The following NECTIN1 variants were observed in gnomAD, a reference collection of about 807,000 sequenced individuals.
NECTIN1 encodes nectin cell adhesion molecule 1.
A neutral mutation model predicts 48.0 loss-of-function variants in NECTIN1; 23 were observed. That is an observed-to-expected ratio of 0.48 (90% CI 0.34 to 0.68). NECTIN1 has a LOEUF of 0.68. Ranked by LOEUF, NECTIN1 falls within the 30% of genes least tolerant of loss-of-function variation. NECTIN1 has a pLI of 0.01. For synonymous variants in NECTIN1, 270 were observed against 288.9 expected (o/e 0.93, Z 0.66); for missense variants, 591 against 709.9 (o/e 0.83, Z 1.90).
intron 1 of NECTIN1, among the ~76,000 whole-genome samples, chr11:119,714,460 C>T (rs908187596): frequency 2.0e-5 from 3 of 152,272 alleles, no homozygotes; most frequent in African/African-American, 2.4e-5. Flanking sequence ...AGTCACCACA[C>T]CCATCCCCAA....
intron 1 of NECTIN1, among the ~76,000 whole-genome samples, chr11:119,695,061 CCACT>C (rs1865320504): frequency 1.3e-5 from 2 of 152,164 alleles, no homozygotes; most frequent in African/African-American, 4.8e-5. Flanking sequence ...TACTGAGCAC[CCACT>C]GTCTAATGGG....
At chr11:119,660,759 T>TCC (rs1864649328), downstream of NECTIN1, among the ~76,000 whole-genome samples, 1 of 152,098 alleles carries the variant, frequency 6.6e-6, no homozygotes, top group Non-Finnish European at 1.5e-5. Context: ...CGCCCACCCC[T>TCC]CCCTCTGCGA....
rs1321564938 is a variant in NECTIN1 at position 119,662,415 on chromosome 11, C to T, written c.*2332G>A. Reference sequence around the variant, plus strand: ...TGGGCCCCTGGCAAGTCAGGAGCCTCCTACGTGGCCCATGCTACATGGACC... The same window carrying T: ...TGGGCCCCTGGCAAGTCAGGAGCCTTCTACGTGGCCCATGCTACATGGACC... On this transcript the variant is annotated 3_prime_UTR_variant, in exon 6 of 6. Coordinates refer to ENST00000264025, the MANE Select transcript of NECTIN1 (RefSeq NM_002855.5). The surrounding 1 kb of genome is among the most constrained non-coding windows in gnomAD (Gnocchi z 5.3). 3.4e-5 allele frequency: 34 copies of T among 985,656 alleles called. No individual in the cohort carries two copies. Among genetic ancestry groups the T allele is most frequent in the Non-Finnish European group, 3.9e-5 (32 of 829,964 alleles). The allele number at this position is 985,656 out of a possible 1,614,324, so 61.1% of individuals were successfully genotyped here.
intron 1 of NECTIN1, among the ~76,000 whole-genome samples, chr11:119,711,474 A>G (rs1213712280): frequency 6.6e-6 from 1 of 151,854 alleles, no homozygotes; most frequent in Non-Finnish European, 1.5e-5. Flanking sequence ...TTTACTGTAC[A>G]TTTATGGGAC....
rs1042800292 is a variant in NECTIN1, at chr11:119,664,455, C to A, written c.*292G>T. On this transcript the variant is annotated 3_prime_UTR_variant, in exon 6 of 6. Transcript: ENST00000264025. ...CCAGGTACACAAGACGAGAACAGGG[C>A]TCCCTACACAGAGGGCAGGCAGGTG... 8.9e-6 allele frequency: 11 copies of A among 1,234,120 alleles called. No individual in the cohort carries two copies. Among genetic ancestry groups the A allele is most frequent in the Non-Finnish European group, 1.1e-5 (11 of 983,620 alleles). 76.4% of individuals were successfully genotyped at this position (1,234,120 alleles called of 1,614,324 possible).
At chr11:119,657,103 C>T (rs796979188), downstream of NECTIN1, among the ~76,000 whole-genome samples, 1 of 152,288 alleles carries the variant, frequency 6.6e-6, no homozygotes, top group African/African-American at 2.4e-5. Context: ...TCACAGGTGA[C>T]GATGATGATG....
chr11:119,689,590 G>A (rs1865217020), intron 1 of NECTIN1, among the ~76,000 whole-genome samples: 1 of 152,248 alleles, frequency 6.6e-6, no homozygotes, highest in Non-Finnish European at 1.5e-5. Flanking sequence ...GCAATGAGGA[G>A]AAGGCAACCT....
chr11:119,651,205 C>G (rs985109308), intron 5 of NECTIN1, among the ~76,000 whole-genome samples: 2 of 152,158 alleles, frequency 1.3e-5, no homozygotes, highest in Admixed American at 1.3e-4. Context: ...GAGGGAGAGC[C>G]TTCCCAGTCA....
chr11:119,682,473 C>T (rs567925238), intron 1 of NECTIN1, among the ~76,000 whole-genome samples: 37 of 152,178 alleles, frequency 2.4e-4, no homozygotes, highest in Non-Finnish European at 4.1e-4. Context: ...AGGGCTGTTC[C>T]GTCACCACCC....
chr11:119,650,234 C>G (rs559896927), intron 5 of NECTIN1, among the ~76,000 whole-genome samples: 1 of 152,136 alleles, frequency 6.6e-6, no homozygotes. Context: ...AAGGCAGGAA[C>G]CGGCCATCTG....
At position 119,662,469 on chromosome 11, in the gene NECTIN1, G is replaced by A; in HGVS notation, c.*2278C>T. On this transcript the variant is annotated 3_prime_UTR_variant, in exon 6 of 6. Coordinates refer to ENST00000264025, the MANE Select transcript of NECTIN1 (RefSeq NM_002855.5). This position sits in a 1 kb window ranked among gnomAD's most constrained non-coding sequence, Gnocchi z 5.3. ...AAATTTGTGCTTTGCTTGTGGGGAG[G>A]GTGTGGAGGTGTCTTAAGGGGGAAC... is the stretch of plus-strand genomic sequence containing the variant. 1.0e-6 allele frequency: 1 copy of A among 985,780 alleles called. No homozygotes were observed. Among genetic ancestry groups the A allele is most frequent in the Non-Finnish European group, 1.2e-6 (1 of 829,954 alleles). The allele number at this position is 985,780 out of a possible 1,614,324, so 61.1% of individuals were successfully genotyped here.
chr11:119,717,145 G>T (rs542052146), intron 1 of NECTIN1, among the ~76,000 whole-genome samples: 1 of 152,196 alleles, frequency 6.6e-6, no homozygotes, highest in Non-Finnish European at 1.5e-5. Context: ...AGAGGTGGGC[G>T]CCGAGGACTG....
chr11:119,639,241 C>A (rs1033107491), intron 6 of NECTIN1, among the ~76,000 whole-genome samples: 1 of 152,064 alleles, frequency 6.6e-6, no homozygotes, highest in Admixed American at 6.5e-5. Flanking sequence ...CGTAAAAATC[C>A]GTGATGAACA....
chr11:119,670,505 G>A (rs368789992), intron 5 of NECTIN1, among the ~76,000 whole-genome samples: 1 of 152,152 alleles, frequency 6.6e-6, no homozygotes, highest in African/African-American at 2.4e-5. Context: ...GGAGAGACTC[G>A]AATAAACCTG....
At chr11:119,648,304 G>A (rs887940089) in intron 5 of NECTIN1, among the ~76,000 whole-genome samples, 705 of 9,096 alleles carry the variant, frequency 0.078, 78 homozygotes, top group Non-Finnish European at 0.11. Context: ...GGTGGTGGTG[G>A]TGATGGTGGT....
intron 5 of NECTIN1, among the ~76,000 whole-genome samples, chr11:119,646,903 G>A (rs1054501383): frequency 6.6e-6 from 1 of 152,224 alleles, no homozygotes; most frequent in African/African-American, 2.4e-5. Context: ...AGGTAATACT[G>A]CATGTTAAAG....
In NECTIN1 at chr11:119,662,332, C is replaced by A; in HGVS notation, c.*2415G>T. The stretch of plus-strand genomic sequence containing the variant: ...ACATCCCTAGGTCCAAGTGCTGACT[C>A]CTGCCTCATGCCCACCCTCAGCCCA... On this transcript the variant is annotated 3_prime_UTR_variant, in exon 6 of 6. Coordinates refer to ENST00000264025, the MANE Select transcript of NECTIN1 (RefSeq NM_002855.5). This position sits in a 1 kb window ranked among gnomAD's most constrained non-coding sequence, Gnocchi z 5.3. 1 of 985,874 alleles carries A rather than the reference C, an allele frequency of 1.0e-6. No individual in the cohort carries two copies. Among genetic ancestry groups the A allele is most frequent in the Non-Finnish European group, 1.2e-6 (1 of 829,946 alleles). 61.1% of individuals were successfully genotyped at this position (985,874 alleles called of 1,614,324 possible).
rs1325535275 is a variant in NECTIN1, at chr11:119,684,761, C to T, written c.80-5996G>A. ...TGGGAGAGAGGCCGGTGTGGAGGAGCGTGCAATCAGGACACCCACTTCCTT... is the reference window on the plus strand; with the variant it reads ...TGGGAGAGAGGCCGGTGTGGAGGAGTGTGCAATCAGGACACCCACTTCCTT... On this transcript the variant is annotated intron_variant, in intron 1 of 5. Coordinates refer to ENST00000264025, the MANE Select transcript of NECTIN1 (RefSeq NM_002855.5). The surrounding 1 kb of genome is among the most constrained non-coding windows in gnomAD (Gnocchi z 5.2). Among the ~76,000 whole-genome samples, 2 of 152,196 alleles carry T rather than the reference C, an allele frequency of 1.3e-5. No homozygotes were observed. Among genetic ancestry groups the T allele is most frequent in the African/African-American group, 2.4e-5 (1 of 41,450 alleles).
chr11:119,688,560 C>T (rs2135560058), intron 1 of NECTIN1, among the ~76,000 whole-genome samples: 1 of 152,320 alleles, frequency 6.6e-6, no homozygotes, highest in African/African-American at 2.4e-5. Context: ...ACAGACATTG[C>T]TGCATCTCCC....
Sources: allele counts gnomAD v4.1 joint callset (sites outside exome capture counted in the v4.1 genomes callset), GRCh38; gene constraint gnomAD v4.1.1; non-coding constraint Gnocchi (gnomAD v3.1); transcripts MANE v1.5; gene names NCBI Gene and HGNC (gene_info 2026-07-23, HGNC 2026-07-21).